The following SOX5 variants were observed in gnomAD, a reference collection of about 807,000 sequenced individuals.
The protein encoded by SOX5 is transcription factor SOX-5.
SOX5 carries 9 observed loss-of-function variants against 92.0 expected under a neutral mutation model. That is an observed-to-expected ratio of 0.10 (90% CI 0.06 to 0.17). The LOEUF is 0.17. Among genes scored for constraint, SOX5 ranks in the 10% least tolerant of loss-of-function variants. The pLI, the probability that SOX5 is intolerant of heterozygous loss-of-function variation, is 1.00. For synonymous variants in SOX5, 344 were observed against 336.3 expected, an observed-to-expected ratio of 1.02 and a Z score of -0.25; for missense variants, 642 against 944.5, an observed-to-expected ratio of 0.68 and a Z score of 4.20.
intron 1 of SOX5, among the ~76,000 whole-genome samples, chr12:24,424,877 T>G (rs760177956): frequency 2.0e-5 from 3 of 150,598 alleles, no homozygotes; most frequent in African/African-American, 2.4e-5. Flanking sequence ...AAAAAAATCC[T>G]TCTGAGACAG....
At chr12:24,118,201 C>G (rs2138275544) in intron 4 of SOX5, among the ~76,000 whole-genome samples, 1 of 152,000 alleles carries the variant, frequency 6.6e-6, no homozygotes, top group Middle Eastern at 3.4e-3. Flanking sequence ...GCATGGTGAC[C>G]AGTTAGTTAT....
At chr12:24,317,741 A>G (rs183083871) in intron 2 of SOX5, among the ~76,000 whole-genome samples, 6 of 152,240 alleles carry the variant, frequency 3.9e-5, no homozygotes, top group African/African-American at 7.2e-5. Context: ...TTTCCCTTCC[A>G]TCTATCAGCC....
chr12:24,002,526 A>G (rs1286313273), intron 4 of SOX5, among the ~76,000 whole-genome samples: 2 of 136,006 alleles, frequency 1.5e-5, no homozygotes, highest in Admixed American at 1.5e-4. Flanking sequence ...AAGAAGAAAC[A>G]GAAAATCTAA....
At chr12:24,339,203 A>ACG in intron 2 of SOX5, among the ~76,000 whole-genome samples, 1 of 151,414 alleles carries the variant, frequency 6.6e-6, no homozygotes, top group South Asian at 2.1e-4. Flanking sequence ...ACACACACAC[A>ACG]GAGTTACTGA....
intron 4 of SOX5, among the ~76,000 whole-genome samples, chr12:23,741,743 T>TA (rs1396824758): frequency 2.0e-5 from 3 of 152,152 alleles, no homozygotes; most frequent in Non-Finnish European, 4.4e-5. Context: ...AGAACACAAA[T>TA]ATAGCAATTG....
chr12:23,979,873 A>G (rs1444631154), intron 4 of SOX5, among the ~76,000 whole-genome samples: 1 of 88,338 alleles, frequency 1.1e-5, no homozygotes, highest in Non-Finnish European at 2.4e-5. Context: ...ACATGCTACC[A>G]TGCCTGGCTG....
At chr12:23,796,056 G>A (rs1447426033) in intron 3 of SOX5, among the ~76,000 whole-genome samples, 3 of 152,096 alleles carry the variant, frequency 2.0e-5, no homozygotes, top group Non-Finnish European at 2.9e-5. Flanking sequence ...ACCTCTAACT[G>A]TTACTTATTG....
At chr12:23,635,768 T>A (rs1483858246) in intron 8 of SOX5, among the ~76,000 whole-genome samples, 1 of 152,128 alleles carries the variant, frequency 6.6e-6, no homozygotes, top group Non-Finnish European at 1.5e-5. Flanking sequence ...AAGACCAGTT[T>A]AGGGGCTGCT....
intron 4 of SOX5, among the ~76,000 whole-genome samples, chr12:24,202,112 G>A (rs1224658538): frequency 6.6e-6 from 1 of 152,148 alleles, no homozygotes; most frequent in Non-Finnish European, 1.5e-5. Context: ...AAATAGACTA[G>A]CAAAATATAA....
At chr12:23,699,771 G>C (rs1425160788) in intron 6 of SOX5, among the ~76,000 whole-genome samples, 2 of 152,082 alleles carry the variant, frequency 1.3e-5, no homozygotes, top group African/African-American at 4.8e-5. Context: ...GGTTGGTTTG[G>C]ATGCTACCAG....
At chr12:24,330,384 G>T (rs967539928) in intron 2 of SOX5, among the ~76,000 whole-genome samples, 2 of 152,206 alleles carry the variant, frequency 1.3e-5, no homozygotes, top group East Asian at 3.9e-4. Flanking sequence ...TTTGTACAAA[G>T]GTGTGATCTG....
At chr12:24,440,220 G>C (rs1000058449) in intron 1 of SOX5, among the ~76,000 whole-genome samples, 1 of 152,156 alleles carries the variant, frequency 6.6e-6, no homozygotes, top group African/African-American at 2.4e-5. Flanking sequence ...CCTCACACCA[G>C]TTCTTGGACA....
At chr12:24,513,389 T>A (rs1246165132) in intron 1 of SOX5, among the ~76,000 whole-genome samples, 1 of 152,254 alleles carries the variant, frequency 6.6e-6, no homozygotes, top group Non-Finnish European at 1.5e-5. Context: ...GAAACCTTCA[T>A]ATTTAACTCA....
intron 1 of SOX5, among the ~76,000 whole-genome samples, chr12:24,482,586 G>T (rs935504320): frequency 6.6e-5 from 10 of 152,230 alleles, no homozygotes; most frequent in African/African-American, 2.4e-4. Context: ...ATTTCAATCT[G>T]TCCAACCCTT....
chr12:24,424,950 C>A (rs74331860), intron 1 of SOX5, among the ~76,000 whole-genome samples: 2 of 151,924 alleles, frequency 1.3e-5, no homozygotes, highest in East Asian at 3.9e-4. Context: ...TTTACAGTTT[C>A]AATTACAAGA....
intron 13 of SOX5, among the ~76,000 whole-genome samples, chr12:23,541,663 C>T (rs1942070640): frequency 6.6e-6 from 1 of 152,160 alleles, no homozygotes; most frequent in Admixed American, 6.5e-5. Flanking sequence ...TCTATGTATA[C>T]TACTGAAAGC....
intron 1 of SOX5, among the ~76,000 whole-genome samples, chr12:24,533,208 A>G (rs1039210038): frequency 1.2e-4 from 19 of 152,186 alleles, no homozygotes; most frequent in Admixed American, 1.1e-3. Flanking sequence ...GAATTAATCC[A>G]TGGTCAATTC....
At chr12:23,987,560 A>T (rs1950171817) in intron 4 of SOX5, among the ~76,000 whole-genome samples, 1 of 152,202 alleles carries the variant, frequency 6.6e-6, no homozygotes, top group Non-Finnish European at 1.5e-5. Flanking sequence ...TGGGAAGCCA[A>T]GGTGGGCGGA....
In SOX5 at chr12:24,376,690, C is replaced by CTTTTTTT. The variant is rs1164391418; in HGVS notation, c.-250-8058_-250-8052dup. ...CAGAATGATGCTATGGGAGAGATAC[C>CTTTTTTT]TTTTTTTTTTTTTTTTTTTTTTTTT... On this transcript the variant is annotated intron_variant, in intron 1 of 4. Transcript: ENST00000446891. Among the ~76,000 whole-genome samples the CTTTTTTT allele has an allele frequency of 5.4e-4, 38 of 70,614 alleles. 5 individuals carry two copies. The highest frequency in any genetic ancestry group is 6.9e-4 in the Non-Finnish European group (27 of 38,960). The allele number at this position is 70,614 out of a possible 152,430, so 46.3% of individuals were successfully genotyped here.
Sources: allele counts gnomAD v4.1 joint callset (sites outside exome capture counted in the v4.1 genomes callset), GRCh38; gene constraint gnomAD v4.1.1; transcripts MANE v1.5; gene names NCBI Gene and HGNC (gene_info 2026-07-23, HGNC 2026-07-21).